The following GPR34 variants were observed in gnomAD, a reference collection of about 807,000 sequenced individuals.
GPR34 encodes G protein-coupled receptor 34.
A neutral mutation model predicts 14.1 loss-of-function variants in GPR34; 3 were observed. The ratio of observed to expected loss-of-function variants is 0.21; its 90% CI spans 0.10 to 0.55. The LOEUF is 0.55. GPR34 is among the 20% of genes least tolerant of loss of function. The probability of loss-of-function intolerance (pLI) is 0.94; values close to 1 mark genes in which losing one functional copy is unlikely to be tolerated. For missense variants in GPR34, 213 were observed against 292.8 expected, an observed-to-expected ratio of 0.73 and a Z score of 1.99; for synonymous variants, 99 against 99.9, an observed-to-expected ratio of 0.99 and a Z score of 0.05.
At chrX:41,689,930 T>C (rs2067511930) in intron 2 of GPR34, 95 bp downstream of exon 2, 1 of 111,529 alleles carries the variant, frequency 9.0e-6, no homozygotes, top group Non-Finnish European at 1.9e-5. Flanking sequence ...GTGGAATCTG[T>C]TGGGTCCTGC....
intron 2 of GPR34, among the ~76,000 whole-genome samples, chrX:41,690,471 G>A (rs772017273): frequency 3.7e-5 from 4 of 108,855 alleles, no homozygotes; most frequent in South Asian, 8.1e-4. Context: ...CTCAGCCTCC[G>A]GAGTAGCTGG....
At chrX:41,692,638 T>C (rs892745402) in intron 2 of GPR34, among the ~76,000 whole-genome samples, 18 of 112,581 alleles carry the variant, frequency 1.6e-4, no homozygotes, top group African/African-American at 5.2e-4. Flanking sequence ...CGTGCCTATT[T>C]CCTTCAACTT....
Position 41,692,442 on chromosome X carries a change from G to GT in GPR34, c.-80+2608dup, listed in dbSNP as rs2067587710. On this transcript the variant is annotated intron_variant, in intron 2 of 2. Transcript: ENST00000378142. ...GTGGTAGTCTCAAAAATCTCCAGTG[G>GT]TAAGATCCTTATATTGCCTCCCAAG... is the stretch of plus-strand genomic sequence containing the variant. 1.8e-5 allele frequency among the ~76,000 whole-genome samples: 2 copies of GT among 112,159 alleles called. 1 individual carries two copies. Among genetic ancestry groups the GT allele is most frequent in the Admixed American group, 1.9e-4 (2 of 10,620 alleles).
intron 2 of GPR34, among the ~76,000 whole-genome samples, chrX:41,692,421 T>C (rs772493989): frequency 1.8e-5 from 2 of 111,931 alleles, no homozygotes; most frequent in Non-Finnish European, 3.8e-5. Flanking sequence ...CAATTGGTGG[T>C]AGTCTCAAAA....
At chrX:41,689,229 A>C (rs1271742188) in intron 1 of GPR34, 145 bp downstream of exon 1, 1 of 111,885 alleles carries the variant, frequency 8.9e-6, no homozygotes, top group Non-Finnish European at 1.9e-5. Context: ...CTACTGAGTA[A>C]ATTGCTTGAA....
At chrX:41,693,220 C>T (rs1224820638) in intron 2 of GPR34, among the ~76,000 whole-genome samples, 1 of 111,570 alleles carries the variant, frequency 9.0e-6, no homozygotes, top group Non-Finnish European at 1.9e-5. Context: ...GGTGGTTCCT[C>T]TACAGACACC....
At chrX:41,690,513 A>ATT (rs775363462) in intron 2 of GPR34, among the ~76,000 whole-genome samples, 2 of 91,646 alleles carry the variant, frequency 2.2e-5, no homozygotes, top group Non-Finnish European at 4.4e-5. Flanking sequence ...CGCCCTGCTA[A>ATT]TTTTTTTTTT....
rs1232572331 is a variant in GPR34 at position 41,695,868 on chromosome X, T to C, written c.235T>C (p.Phe79Leu). 8.3e-7 allele frequency: 1 copy of C among 1,207,452 alleles called. No homozygotes were observed. The highest frequency in any genetic ancestry group is 1.7e-5 in the African/African-American group (1 of 57,724). ...LVGNIIALYV[F>L]LGIHRKRNSI... ...TGGGAACATAATCGCCCTCTATGTA[T>C]TTCTGGGTATTCACCGTAAAAGAAA... The change falls in exon 3 of 3, where the codon TTT (phenylalanine) becomes CTT (leucine). Residue 79 changes from phenylalanine (F) to leucine (L), a missense_variant. Coordinates refer to ENST00000378142, the MANE Select transcript of GPR34 (RefSeq NM_001097579.2).
In GPR34 at chrX:41,696,356, T is replaced by C; in HGVS notation, c.723T>C (p.Ile241=). 8.5e-7 allele frequency: 1 copy of C among 1,174,278 alleles called. No individual in the cohort carries two copies. The highest frequency in any genetic ancestry group is 1.1e-6 in the Non-Finnish European group (1 of 875,879). ...TAATAATCCTTTCATATATTAAGAT[T>C]GGGAAGAATCTATTGAGGATTTCTA... ...FLLIILSYIK[I]GKNLLRISKR... is the part of the protein sequence containing the mutation. The change falls in exon 3 of 3, where the codon ATT becomes ATC. Residue 241 remains isoleucine, a synonymous_variant. Transcript: ENST00000378142.
At chrX:41,695,496 TA>T in intron 2 of GPR34, 58 bp from the exon 3 acceptor site, 1 of 466,356 alleles carries the variant, frequency 2.1e-6, no homozygotes, top group Non-Finnish European at 3.8e-6. Flanking sequence ...TTTACACTTT[TA>T]GTTAAAGTAA....
chrX:41,690,280 C>G (rs1270425027), intron 2 of GPR34, among the ~76,000 whole-genome samples: 1 of 109,374 alleles, frequency 9.1e-6, no homozygotes, highest in African/African-American at 3.3e-5. Context: ...ATGTACTAAC[C>G]AACTTCAAAG....
At position 41,696,964 on chromosome X, in the gene GPR34, T is replaced by A. The variant is rs2067701995; in HGVS notation, c.*185T>A. On this transcript the variant is annotated 3_prime_UTR_variant, in exon 3 of 3. Transcript: ENST00000378142. ...CTAACTTTTAAATCTGTATGTAAAATCTTTTCAAAATACATTTTTAAGCTA... is the reference window on the plus strand; with the variant it reads ...CTAACTTTTAAATCTGTATGTAAAAACTTTTCAAAATACATTTTTAAGCTA... 2.4e-5 allele frequency: 8 copies of A among 333,469 alleles called. No homozygotes were observed. The South Asian group carries it at 6.9e-4, about 29-fold the overall frequency. The allele number at this position is 333,469 out of a possible 1,213,427, so 27.5% of individuals were successfully genotyped here.
Position 41,696,308 on chromosome X carries a change from A to T in GPR34, c.675A>T (p.Val225=), listed in dbSNP as rs2067688308. The change falls in exon 3 of 3, where the codon GTA becomes GTT. Residue 225 remains valine, a synonymous_variant. Coordinates refer to ENST00000378142, the MANE Select transcript of GPR34 (RefSeq NM_001097579.2). ...GEAIFNFILV[V]MFWLIFLLII... is the part of the protein sequence containing the mutation. Reference sequence around the variant, plus strand: ...CCATTTTTAACTTCATTCTTGTGGTAATGTTCTGGCTAATTTTCTTACTAA... The same window carrying T: ...CCATTTTTAACTTCATTCTTGTGGTTATGTTCTGGCTAATTTTCTTACTAA... 1 of 1,180,172 alleles carries T rather than the reference A, an allele frequency of 8.5e-7. No homozygotes were observed. The highest frequency in any genetic ancestry group is 1.1e-6 in the Non-Finnish European group (1 of 878,119).
intron 2 of GPR34, among the ~76,000 whole-genome samples, chrX:41,690,341 T>C (rs965916261): frequency 2.3e-4 from 11 of 48,868 alleles, no homozygotes; most frequent in Non-Finnish European, 3.0e-4. Flanking sequence ...TTGTGATTTT[T>C]AATTAAAAAA....
At chrX:41,691,015 A>G (rs920394039) in intron 2 of GPR34, among the ~76,000 whole-genome samples, 1 of 111,965 alleles carries the variant, frequency 8.9e-6, no homozygotes, top group African/African-American at 3.2e-5. Flanking sequence ...TGTCTAATAC[A>G]TAGTTCTAAA....
At chrX:41,694,897 A>G (rs1396895210) in intron 2 of GPR34, among the ~76,000 whole-genome samples, 1 of 112,126 alleles carries the variant, frequency 8.9e-6, no homozygotes, top group Non-Finnish European at 1.9e-5. Flanking sequence ...GTAGCAATAC[A>G]TGTCAAAATG....
intron 2 of GPR34, among the ~76,000 whole-genome samples, chrX:41,692,702 A>G (rs1387582507): frequency 8.9e-6 from 1 of 111,879 alleles, no homozygotes; most frequent in Non-Finnish European, 1.9e-5. Flanking sequence ...GGCCTTTTCT[A>G]AGTGTGCTGC....
chrX:41,696,913 G>A lies in GPR34; in HGVS notation c.*134G>A, dbSNP rs1308677372. ...TGCTTGTATTTGTGATATTTCATTT[G>A]CTTAACTGTAAACCATTTCAAGGTA... On this transcript the variant is annotated 3_prime_UTR_variant, in exon 3 of 3. Transcript: ENST00000378142. 3 of 410,439 alleles carry A rather than the reference G, an allele frequency of 7.3e-6. No homozygotes were observed. In the Admixed American group the frequency reaches 1.5e-4, roughly 20 times the overall value. 33.8% of individuals were successfully genotyped at this position (410,439 alleles called of 1,213,427 possible).
chrX:41,696,903 T>C lies in GPR34; in HGVS notation c.*124T>C, dbSNP rs1242356805. Reference sequence around the variant, plus strand: ...CTCAAAGCTCTGCTTGTATTTGTGATATTTCATTTGCTTAACTGTAAACCA... The same window carrying C: ...CTCAAAGCTCTGCTTGTATTTGTGACATTTCATTTGCTTAACTGTAAACCA... On this transcript the variant is annotated 3_prime_UTR_variant, in exon 3 of 3. Transcript: ENST00000378142. The C allele has an allele frequency of 2.3e-6, 1 of 430,519 alleles. No individual in the cohort carries two copies. The highest frequency in any genetic ancestry group is 3.9e-6 in the Non-Finnish European group (1 of 256,962). 35.5% of individuals were successfully genotyped at this position (430,519 alleles called of 1,213,427 possible). A position where few individuals can be genotyped will look rare whatever the true frequency, so the allele number is the denominator to read the frequency against.
Sources: allele counts gnomAD v4.1 joint callset (sites outside exome capture counted in the v4.1 genomes callset), GRCh38; gene constraint gnomAD v4.1.1; transcripts MANE v1.5; gene names NCBI Gene and HGNC (gene_info 2026-07-23, HGNC 2026-07-21).